CEP128: variants seen among roughly 807,000 people sequenced by gnomAD.
The protein encoded by CEP128 is centrosomal protein 128kDa.
CEP128 carries 132 observed loss-of-function variants against 156.7 expected under a neutral mutation model. The ratio of observed to expected loss-of-function variants is 0.84; its 90% CI spans 0.73 to 0.97. The LOEUF is 0.97. Among genes scored for constraint, CEP128 ranks in the 50% least tolerant of loss-of-function variants. The pLI is 0.00. For synonymous variants in CEP128, 469 were observed against 448.9 expected (o/e 1.04, Z -0.57); for missense variants, 1,252 against 1,281.9 (o/e 0.98, Z 0.36).
intron 13 of CEP128, among the ~76,000 whole-genome samples, chr14:80,811,094 C>A (rs1884506759): frequency 6.6e-6 from 1 of 152,132 alleles, no homozygotes; most frequent in Non-Finnish European, 1.5e-5. Context: ...CAGCTCCACC[C>A]ACGTCCCTAC....
chr14:80,817,356 T>C (rs369266459), intron 13 of CEP128, among the ~76,000 whole-genome samples: 13 of 152,250 alleles, frequency 8.5e-5, no homozygotes, highest in African/African-American at 3.1e-4. Flanking sequence ...GTGTGACTTA[T>C]ACAAATGAAA....
At chr14:80,608,255 C>A (rs1892862387) in intron 19 of CEP128, among the ~76,000 whole-genome samples, 2 of 152,116 alleles carry the variant, frequency 1.3e-5, no homozygotes, top group Admixed American at 6.5e-5. Context: ...GTCTTTTCGC[C>A]TCCACTAGGA....
intron 19 of CEP128, among the ~76,000 whole-genome samples, chr14:80,731,038 T>A (rs1898247719): frequency 6.6e-6 from 1 of 152,184 alleles, no homozygotes; most frequent in Non-Finnish European, 1.5e-5. Flanking sequence ...GCATTTCTAA[T>A]GGTATAGTCA....
intron 19 of CEP128, among the ~76,000 whole-genome samples, chr14:80,597,831 A>G (rs1892398215): frequency 6.6e-6 from 1 of 151,780 alleles, no homozygotes; most frequent in African/African-American, 2.4e-5. Flanking sequence ...CAGGCTGAAG[A>G]TAAACAAAAA....
At chr14:80,643,311 TG>T (rs1013605003) in intron 19 of CEP128, among the ~76,000 whole-genome samples, 6 of 152,244 alleles carry the variant, frequency 3.9e-5, no homozygotes, top group African/African-American at 1.4e-4. Flanking sequence ...CTGTGGGAGA[TG>T]GTGGCCATGC....
intron 16 of CEP128, 95 bp downstream of exon 16, chr14:80,777,787 G>A (rs1900875264): frequency 1.0e-6 from 1 of 979,282 alleles, no homozygotes; most frequent in East Asian, 2.6e-5. Context: ...CCCTGTGAAG[G>A]ACTACAATTA....
intron 19 of CEP128, among the ~76,000 whole-genome samples, chr14:80,592,871 T>C (rs1892140801): frequency 6.6e-6 from 1 of 152,020 alleles, no homozygotes; most frequent in Non-Finnish European, 1.5e-5. Context: ...AATGTAATCA[T>C]TATGTAAATA....
chr14:80,615,253 T>C (rs1012709772), intron 19 of CEP128, among the ~76,000 whole-genome samples: 17 of 152,264 alleles, frequency 1.1e-4, no homozygotes, highest in Middle Eastern at 3.4e-3. Flanking sequence ...TAAATAACAA[T>C]CTTGCTAGGA....
chr14:80,529,830 G>C (rs1036043734), intron 22 of CEP128, among the ~76,000 whole-genome samples: 1 of 152,148 alleles, frequency 6.6e-6, no homozygotes, highest in African/African-American at 2.4e-5. Flanking sequence ...TAGCTTTCTA[G>C]ATTCGTCAGC....
intron 17 of CEP128, among the ~76,000 whole-genome samples, chr14:80,758,901 C>G (rs1326026346): frequency 6.6e-6 from 1 of 152,126 alleles, no homozygotes; most frequent in African/African-American, 2.4e-5. Flanking sequence ...CATAACTTAT[C>G]CAAGGTCATA....
chr14:80,675,656 A>G (rs1896030263), intron 19 of CEP128, among the ~76,000 whole-genome samples: 1 of 152,072 alleles, frequency 6.6e-6, no homozygotes. Flanking sequence ...AGTAGGTTAT[A>G]TTTTAGAATT....
chr14:80,740,927 C>T (rs10142541), intron 19 of CEP128, among the ~76,000 whole-genome samples: 9,935 of 152,032 alleles, frequency 0.065, 1,084 homozygotes, highest in African/African-American at 0.23. Context: ...GGTGAAGGTC[C>T]CACCTAATAA....
chr14:80,899,839 C>A, intron 7 of CEP128, 99 bp downstream of exon 7: 1 of 850,132 alleles, frequency 1.2e-6, no homozygotes, highest in East Asian at 2.5e-5. Flanking sequence ...TATACAAACA[C>A]AACATTTTTT....
chr14:80,883,321 T>C lies in CEP128; in HGVS notation c.645+12397A>G, dbSNP rs1452741707. On this transcript the variant is annotated intron_variant, in intron 8 of 24. Coordinates refer to ENST00000555265, the MANE Select transcript of CEP128 (RefSeq NM_152446.5). The stretch of plus-strand genomic sequence containing the variant: ...CAAATTAATTATCTTTGTTTGCAGA[T>C]GATATGATCATCTATTTGAAAAAAA... Among the ~76,000 whole-genome samples, 4 of 152,202 alleles carry C rather than the reference T, an allele frequency of 2.6e-5. No homozygotes were observed. In the East Asian group the frequency reaches 7.7e-4, roughly 29 times the overall value.
intron 19 of CEP128, among the ~76,000 whole-genome samples, chr14:80,722,863 G>T (rs1323592128): frequency 8.2e-6 from 1 of 121,718 alleles, no homozygotes; most frequent in African/African-American, 3.2e-5. Context: ...GTCTTGCTCT[G>T]TCGCCCAGGC....
At chr14:80,880,865 A>AAATAATAAT (rs375304920) in intron 8 of CEP128, among the ~76,000 whole-genome samples, 371 of 124,962 alleles carry the variant, frequency 3.0e-3, no homozygotes, top group Non-Finnish European at 3.6e-3. Flanking sequence ...TCCATCTCAA[A>AAATAATAAT]AATAATAATA....
intron 4 of CEP128, among the ~76,000 whole-genome samples, chr14:80,909,725 TCACAA>T (rs779585976): frequency 5.3e-5 from 8 of 152,218 alleles, no homozygotes; most frequent in East Asian, 1.9e-4. Flanking sequence ...CTTTAAGTAG[TCACAA>T]CACAACACAA....
intron 21 of CEP128, among the ~76,000 whole-genome samples, chr14:80,534,230 T>C (rs75260028): frequency 3.6e-5 from 5 of 138,828 alleles, no homozygotes; most frequent in Non-Finnish European, 8.0e-5. Context: ...TTGCAACTTT[T>C]TTTTTTTTAA....
chr14:80,806,447 T>C (rs769828637), intron 13 of CEP128, among the ~76,000 whole-genome samples: 3 of 152,198 alleles, frequency 2.0e-5, no homozygotes, highest in African/African-American at 2.4e-5. Flanking sequence ...AATTAACATC[T>C]AGGCCTCAGT....
Sources: allele counts gnomAD v4.1 joint callset (sites outside exome capture counted in the v4.1 genomes callset), GRCh38; gene constraint gnomAD v4.1.1; transcripts MANE v1.5; gene names NCBI Gene and HGNC (gene_info 2026-07-23, HGNC 2026-07-21).